The following LHFPL3 variants were observed in gnomAD, a reference collection of about 807,000 sequenced individuals.
LHFPL3 encodes LHFPL tetraspan subfamily member 3 protein.
Under a neutral mutation model 19.3 loss-of-function variants are expected in LHFPL3, and 5 were observed. The ratio of observed to expected loss-of-function variants is 0.26; its 90% CI spans 0.14 to 0.54. The LOEUF (loss-of-function observed/expected upper bound fraction) is 0.54. Ranked by LOEUF, LHFPL3 falls within the 20% of genes least tolerant of loss-of-function variation. LHFPL3 has a pLI of 0.94. For synonymous variants in LHFPL3, 133 were observed against 126.2 expected, an observed-to-expected ratio of 1.05 and a Z score of -0.36; for missense variants, 249 against 307.4, an observed-to-expected ratio of 0.81 and a Z score of 1.42.
intron 1 of LHFPL3, among the ~76,000 whole-genome samples, chr7:104,597,973 A>T (rs1310485886): frequency 1.3e-5 from 2 of 152,122 alleles, no homozygotes; most frequent in African/African-American, 4.8e-5. Context: ...TTGAAGCAAG[A>T]ACAAATATCA....
At chr7:104,824,743 T>C (rs1261025426) in intron 2 of LHFPL3, among the ~76,000 whole-genome samples, 2 of 82,854 alleles carry the variant, frequency 2.4e-5, no homozygotes, top group African/African-American at 4.3e-5. Flanking sequence ...AACAGAAGTC[T>C]TACTCATATA....
intron 1 of LHFPL3, among the ~76,000 whole-genome samples, chr7:104,614,680 CTTCTTTCTTTCTTTCTTTCTTTCT>C (rs60085377): frequency 5.3e-5 from 5 of 94,414 alleles, no homozygotes; most frequent in African/African-American, 1.7e-4. Context: ...TCCTTCCTTC[CTTCTTTCTTTCTTTCTTTCTTTCT>C]TTCTTTCTTT....
intron 2 of LHFPL3, among the ~76,000 whole-genome samples, chr7:104,771,792 C>T (rs1423739046): frequency 7.6e-6 from 1 of 132,396 alleles, no homozygotes; most frequent in Non-Finnish European, 1.7e-5. Context: ...ATTTTCAATA[C>T]TTATTAATTT....
intron 1 of LHFPL3, among the ~76,000 whole-genome samples, chr7:104,684,733 C>T (rs552129164): frequency 1.4e-4 from 21 of 152,284 alleles, no homozygotes; most frequent in African/African-American, 3.1e-4. Flanking sequence ...CAGGCCCCCA[C>T]GGCTAAGCAG....
At chr7:104,495,634 T>C (rs574119431) in intron 1 of LHFPL3, among the ~76,000 whole-genome samples, 42 of 152,274 alleles carry the variant, frequency 2.8e-4, no homozygotes, top group African/African-American at 4.6e-4. Flanking sequence ...CTGCCCGCCT[T>C]GGCCTCCCAA....
At chr7:104,730,683 C>T (rs1002619489) in intron 1 of LHFPL3, among the ~76,000 whole-genome samples, 1 of 152,156 alleles carries the variant, frequency 6.6e-6, no homozygotes, top group Non-Finnish European at 1.5e-5. Context: ...AATTATCTCC[C>T]ATTCTGAAGG....
At chr7:104,496,490 T>C (rs1013049851) in intron 1 of LHFPL3, among the ~76,000 whole-genome samples, 4 of 152,176 alleles carry the variant, frequency 2.6e-5, no homozygotes, top group African/African-American at 9.7e-5. Context: ...TACCCAGTAA[T>C]GGGATGGCTG....
chr7:104,568,387 C>T (rs1790163109), intron 1 of LHFPL3, among the ~76,000 whole-genome samples: 1 of 152,184 alleles, frequency 6.6e-6, no homozygotes, highest in African/African-American at 2.4e-5. Flanking sequence ...CCTGTTCTTC[C>T]TGAATCTTAG....
chr7:104,866,196 T>A (rs1439397994), intron 2 of LHFPL3, among the ~76,000 whole-genome samples: 1 of 152,158 alleles, frequency 6.6e-6, no homozygotes, highest in African/African-American at 2.4e-5. Context: ...GCTAACATCA[T>A]AATGACAGGA....
At chr7:104,771,266 G>A (rs946812987) in intron 2 of LHFPL3, among the ~76,000 whole-genome samples, 1 of 152,198 alleles carries the variant, frequency 6.6e-6, no homozygotes, top group African/African-American at 2.4e-5. Context: ...CCTCACAGGT[G>A]TATGGCACTT....
At chr7:104,524,013 A>G (rs924184364) in intron 1 of LHFPL3, among the ~76,000 whole-genome samples, 4 of 152,232 alleles carry the variant, frequency 2.6e-5, no homozygotes, top group African/African-American at 9.6e-5. Flanking sequence ...AACGATTTAT[A>G]TCAATTAATA....
At chr7:104,467,640 C>T (rs1792819606) in intron 1 of LHFPL3, among the ~76,000 whole-genome samples, 2 of 152,108 alleles carry the variant, frequency 1.3e-5, no homozygotes, top group South Asian at 2.1e-4. Flanking sequence ...CATATAGATG[C>T]GTATTCAATT....
chr7:104,418,532 CA>C (rs1168885865), intron 1 of LHFPL3, among the ~76,000 whole-genome samples: 2 of 151,952 alleles, frequency 1.3e-5, no homozygotes, highest in African/African-American at 4.8e-5. Context: ...ACCCTGTCTC[CA>C]AAAACAAACA....
intron 1 of LHFPL3, among the ~76,000 whole-genome samples, chr7:104,584,297 A>G (rs1182402147): frequency 1.3e-5 from 2 of 149,524 alleles, no homozygotes; most frequent in East Asian, 2.0e-4. Flanking sequence ...GTCACACACT[A>G]GGGACTGTTG....
At chr7:104,567,810 C>T (rs1038579367) in intron 1 of LHFPL3, among the ~76,000 whole-genome samples, 13 of 152,172 alleles carry the variant, frequency 8.5e-5, no homozygotes, top group Non-Finnish European at 1.8e-4. Flanking sequence ...TCAGCATGGA[C>T]ATAGTGCTAC....
intron 1 of LHFPL3, among the ~76,000 whole-genome samples, chr7:104,638,505 A>G (rs1430545323): frequency 2.0e-5 from 3 of 152,064 alleles, no homozygotes; most frequent in Non-Finnish European, 4.4e-5. Context: ...TTCCCCATTC[A>G]GTATGATATT....
At chr7:104,558,234 G>C (rs986194649) in intron 1 of LHFPL3, among the ~76,000 whole-genome samples, 3 of 151,578 alleles carry the variant, frequency 2.0e-5, no homozygotes, top group Admixed American at 1.3e-4. Context: ...TCCAGTTCTA[G>C]ATCCCTGAGG....
chr7:104,601,675 G>C (rs1451098249), intron 1 of LHFPL3, among the ~76,000 whole-genome samples: 1 of 152,144 alleles, frequency 6.6e-6, no homozygotes, highest in African/African-American at 2.4e-5. Flanking sequence ...GCTGGCTCTG[G>C]TACTGCTCTC....
chr7:104,429,231 A>C (rs1791903197), intron 1 of LHFPL3, among the ~76,000 whole-genome samples: 1 of 151,624 alleles, frequency 6.6e-6, no homozygotes, highest in South Asian at 2.1e-4. Context: ...AAAATACCAG[A>C]GCGTAGCAAT....
Sources: gnomAD v4.1 joint callset for allele counts (sites outside exome capture counted in the v4.1 genomes callset) on GRCh38, gnomAD v4.1.1 for gene constraint, MANE v1.5 for transcripts, NCBI Gene and HGNC (gene_info 2026-07-23, HGNC 2026-07-21) for gene names.